The following KAZN variants were observed in gnomAD, a reference collection of about 807,000 sequenced individuals.
KAZN encodes kazrin.
A neutral mutation model predicts 87.4 loss-of-function variants in KAZN; 40 were observed. That is an observed-to-expected ratio of 0.46 (90% CI 0.36 to 0.60). KAZN has a LOEUF of 0.60. Among genes scored for constraint, KAZN ranks in the 20% least tolerant of loss-of-function variants. KAZN has a pLI of 0.00. For synonymous variants in KAZN, 466 were observed against 458.3 expected (o/e 1.02, Z -0.22); for missense variants, 898 against 1,073.9 (o/e 0.84, Z 2.29).
At chr1:13,975,650 C>A (rs181992704) in intron 1 of KAZN, among the ~76,000 whole-genome samples, 4 of 152,218 alleles carry the variant, frequency 2.6e-5, no homozygotes, top group Non-Finnish European at 5.9e-5. Context: ...GATGAATGAG[C>A]CATACATTTC....
intron 2 of KAZN, among the ~76,000 whole-genome samples, chr1:14,203,611 A>T (rs1646683378): frequency 6.6e-6 from 1 of 152,228 alleles, no homozygotes; most frequent in Admixed American, 6.5e-5. Flanking sequence ...ACAAAGTAAT[A>T]ATTGACTCGA....
intron 2 of KAZN, among the ~76,000 whole-genome samples, chr1:14,970,564 G>A (rs1664921201): frequency 6.6e-6 from 1 of 152,146 alleles, no homozygotes; most frequent in Non-Finnish European, 1.5e-5. Flanking sequence ...GGGGTTTTTA[G>A]CACTGAGTCC....
chr1:14,843,185 C>G (rs61772321), intron 1 of KAZN, among the ~76,000 whole-genome samples: 8,678 of 152,222 alleles, frequency 0.057, 346 homozygotes, highest in Admixed American at 0.11. Flanking sequence ...CTGTCCTATT[C>G]AAGTCGATTC....
At chr1:14,363,332 G>A (rs1167623317) in intron 2 of KAZN, among the ~76,000 whole-genome samples, 1 of 152,096 alleles carries the variant, frequency 6.6e-6, no homozygotes, top group Non-Finnish European at 1.5e-5. Context: ...ATGTTCTAAG[G>A]GCCTAGTAGG....
chr1:15,010,556 A>C (rs1669478892), intron 2 of KAZN, among the ~76,000 whole-genome samples: 1 of 151,930 alleles, frequency 6.6e-6, no homozygotes, highest in Non-Finnish European at 1.5e-5. Context: ...ATGCCCAGCT[A>C]ATTTTTTTGT....
chr1:13,970,431 G>A (rs570182578), intron 1 of KAZN, among the ~76,000 whole-genome samples: 15 of 152,286 alleles, frequency 9.8e-5, no homozygotes, highest in South Asian at 6.2e-4. Context: ...GATCAGAAGC[G>A]TGTATATGAT....
intron 2 of KAZN, among the ~76,000 whole-genome samples, chr1:14,315,929 G>A (rs1377248548): frequency 6.6e-6 from 1 of 151,800 alleles, no homozygotes; most frequent in East Asian, 1.9e-4. Flanking sequence ...AAGTGGAATT[G>A]CTATGTCTAA....
At chr1:14,910,869 G>A (rs951715224) in intron 1 of KAZN, among the ~76,000 whole-genome samples, 1 of 152,082 alleles carries the variant, frequency 6.6e-6, no homozygotes, top group Non-Finnish European at 1.5e-5. Context: ...CTTAAATGTC[G>A]GCAACTAATG....
intron 1 of KAZN, among the ~76,000 whole-genome samples, chr1:14,051,075 A>G (rs1251543665): frequency 6.6e-6 from 1 of 152,112 alleles, no homozygotes; most frequent in Non-Finnish European, 1.5e-5. Flanking sequence ...CAACAAAGAC[A>G]CTTGGGATTT....
chr1:14,390,510 A>T (rs1662327468), intron 2 of KAZN, among the ~76,000 whole-genome samples: 1 of 152,216 alleles, frequency 6.6e-6, no homozygotes, highest in African/African-American at 2.4e-5. Context: ...TTGGGGGATG[A>T]GCATTCCATG....
chr1:14,416,606 G>A (rs937326293), intron 2 of KAZN, among the ~76,000 whole-genome samples: 5 of 151,970 alleles, frequency 3.3e-5, no homozygotes, highest in Admixed American at 3.3e-4. Context: ...GCATGGTGGT[G>A]GGCACCTGTA....
At chr1:14,866,588 A>G (rs868283992) in intron 1 of KAZN, among the ~76,000 whole-genome samples, 43 of 152,178 alleles carry the variant, frequency 2.8e-4, no homozygotes, top group African/African-American at 7.7e-4. Flanking sequence ...TGAACTGGGC[A>G]TGGTGGCATG....
intron 1 of KAZN, among the ~76,000 whole-genome samples, chr1:14,028,424 C>CAGCCGGA (rs1328788860): frequency 2.0e-5 from 3 of 152,104 alleles, no homozygotes; most frequent in African/African-American, 7.2e-5. Context: ...TAATCACCTC[C>CAGCCGGA]TCATGCATAA....
chr1:14,177,792 GTGTTT>G (rs745711141), intron 1 of KAZN, among the ~76,000 whole-genome samples: 1 of 122,782 alleles, frequency 8.1e-6, no homozygotes, highest in Non-Finnish European at 1.6e-5. Context: ...CTGTGTGTGT[GTGTTT>G]TTTTTTTTTT....
intron 2 of KAZN, among the ~76,000 whole-genome samples, chr1:14,517,042 G>A (rs533203899): frequency 7.6e-4 from 116 of 152,150 alleles, no homozygotes; most frequent in Non-Finnish European, 1.2e-3. Flanking sequence ...GGTCACAGTG[G>A]TTTAGGTGAA....
chr1:14,399,776 A>G (rs1040475910), intron 2 of KAZN, among the ~76,000 whole-genome samples: 3 of 151,834 alleles, frequency 2.0e-5, no homozygotes, highest in Non-Finnish European at 4.4e-5. Flanking sequence ...GCTCGATGCC[A>G]TCTCTCAGGA....
chr1:14,983,283 C>G (rs1666444660), intron 2 of KAZN, among the ~76,000 whole-genome samples: 1 of 152,216 alleles, frequency 6.6e-6, no homozygotes, highest in Non-Finnish European at 1.5e-5. Flanking sequence ...TTAGCACCTT[C>G]AGGATGGGCC....
intron 8 of KAZN, among the ~76,000 whole-genome samples, chr1:15,069,174 C>T: frequency 6.6e-6 from 1 of 152,112 alleles, no homozygotes; most frequent in Admixed American, 6.5e-5. Context: ...CCCCTACTCC[C>T]CTCTCCCTGG....
At chr1:14,407,268 T>G (rs186700224) in intron 2 of KAZN, among the ~76,000 whole-genome samples, 1 of 152,354 alleles carries the variant, frequency 6.6e-6, no homozygotes, top group Non-Finnish European at 1.5e-5. Flanking sequence ...GGGAGAGGAC[T>G]TGCTGGGTCA....
Sources: allele counts gnomAD v4.1 joint callset (sites outside exome capture counted in the v4.1 genomes callset), GRCh38; gene constraint gnomAD v4.1.1; transcripts MANE v1.5; gene names NCBI Gene and HGNC (gene_info 2026-07-23, HGNC 2026-07-21).